The following ATRNL1 variants were observed in gnomAD, a reference collection of about 807,000 sequenced individuals.
ATRNL1 encodes the protein attractin-like protein 1.
ATRNL1 carries 95 observed loss-of-function variants against 182.7 expected under a neutral mutation model. The observed-to-expected ratio is 0.52, with a 90% confidence interval of 0.44 to 0.62. ATRNL1 has a LOEUF of 0.62. Ranked by LOEUF, ATRNL1 falls within the 20% of genes least tolerant of loss-of-function variation. The pLI is 0.00. For missense variants in ATRNL1, 1,471 were observed against 1,679.5 expected, an observed-to-expected ratio of 0.88 and a Z score of 2.17; for synonymous variants, 576 against 568.3, an observed-to-expected ratio of 1.01 and a Z score of -0.19.
chr10:115,580,859 C>T (rs1565183813), intron 26 of ATRNL1, among the ~76,000 whole-genome samples: 1 of 151,960 alleles, frequency 6.6e-6, no homozygotes, highest in Non-Finnish European at 1.5e-5. Context: ...TCAATTCAGT[C>T]ATTGTAATCT....
intron 24 of ATRNL1, among the ~76,000 whole-genome samples, chr10:115,514,773 GGGAT>G (rs1206293502): frequency 1.3e-5 from 2 of 151,844 alleles, no homozygotes; most frequent in African/African-American, 4.8e-5. Flanking sequence ...ATTGCACAAG[GGGAT>G]TAGTGAAGAC....
At chr10:115,723,218 A>T (rs79741971) in intron 26 of ATRNL1, among the ~76,000 whole-genome samples, 4,087 of 152,286 alleles carry the variant, frequency 0.027, 161 homozygotes, top group African/African-American at 0.091. Context: ...GTAGAAGGAC[A>T]TTTGAAGGTG....
In ATRNL1 at chr10:115,902,031, G is replaced by T. The variant is rs1952370033; in HGVS notation, c.4019-42627G>T. On this transcript the variant is annotated intron_variant, in intron 28 of 28. Transcript: ENST00000355044. Reference sequence around the variant, plus strand: ...TTTTTCACATTTGCACGCTGAGATTGTTTTGGAGATCTTTTAACTTAGCTC... The same window carrying T: ...TTTTTCACATTTGCACGCTGAGATTTTTTTGGAGATCTTTTAACTTAGCTC... Among the ~76,000 whole-genome samples the T allele has an allele frequency of 1.3e-5, 2 of 152,120 alleles. 1 individual carries two copies. Among genetic ancestry groups the T allele is most frequent in the Non-Finnish European group, 2.9e-5 (2 of 68,012 alleles).
intron 28 of ATRNL1, among the ~76,000 whole-genome samples, chr10:115,919,012 T>G (rs901158672): frequency 6.6e-6 from 1 of 152,098 alleles, no homozygotes; most frequent in East Asian, 1.9e-4. Context: ...TAGACATAAA[T>G]AAAACCCATC....
intron 28 of ATRNL1, among the ~76,000 whole-genome samples, chr10:115,909,066 T>C (rs1555115219): frequency 6.6e-6 from 1 of 152,158 alleles, no homozygotes; most frequent in Admixed American, 6.5e-5. Flanking sequence ...CTTTAGAGAA[T>C]TGCCACATGC....
intron 9 of ATRNL1, among the ~76,000 whole-genome samples, chr10:115,240,254 C>CTTT (rs782480774): frequency 7.2e-6 from 1 of 138,034 alleles, no homozygotes; most frequent in African/African-American, 2.6e-5. Flanking sequence ...TACTTTTTTC[C>CTTT]TTTTTTTTTT....
chr10:115,148,349 C>G lies in ATRNL1; in HGVS notation c.830-11691C>G, dbSNP rs532039569. Among the ~76,000 whole-genome samples the G allele has an allele frequency of 2.6e-5, 4 of 152,152 alleles. No individual in the cohort carries two copies. The East Asian group carries it at 5.8e-4, about 22-fold the overall frequency. On this transcript the variant is annotated intron_variant, in intron 5 of 28. Coordinates refer to ENST00000355044, the MANE Select transcript of ATRNL1 (RefSeq NM_207303.4). ...ACATTTAAGAGTTTTTTGGTGGAGG[C>G]TATAGGTTTTCTAGATATAAGATTA...
At chr10:115,370,213 C>T (rs1857320521) in intron 19 of ATRNL1, among the ~76,000 whole-genome samples, 1 of 152,160 alleles carries the variant, frequency 6.6e-6, no homozygotes, top group African/African-American at 2.4e-5. Flanking sequence ...ATTGCCCAGT[C>T]TCAGTATGTC....
At chr10:115,365,514 A>C (rs1258088147) in intron 19 of ATRNL1, among the ~76,000 whole-genome samples, 1 of 151,650 alleles carries the variant, frequency 6.6e-6, no homozygotes, top group African/African-American at 2.4e-5. Context: ...TTGTGTCTCT[A>C]TTTCCTTCAA....
At chr10:115,630,536 G>A (rs1360486621) in intron 26 of ATRNL1, among the ~76,000 whole-genome samples, 3 of 151,406 alleles carry the variant, frequency 2.0e-5, no homozygotes, top group East Asian at 1.9e-4. Context: ...ATTGAAATAA[G>A]TCTCTCCAAG....
chr10:115,868,822 C>CTTTTTTTTTTTTTTTTTTTTGTTT (rs1951502221), intron 28 of ATRNL1, among the ~76,000 whole-genome samples: 1 of 58,084 alleles, frequency 1.7e-5, no homozygotes, highest in Non-Finnish European at 3.2e-5. Context: ...AGTCTTTATT[C>CTTTTTTTTTTTTTTTTTTTTGTTT]TTTTTTTTTT....
At chr10:115,305,619 C>T (rs923907) in intron 17 of ATRNL1, among the ~76,000 whole-genome samples, 32,049 of 152,054 alleles carry the variant, frequency 0.21, 4,289 homozygotes, top group Non-Finnish European at 0.3. Context: ...CTTCTCCTGC[C>T]TCAATAGTCA....
chr10:115,541,979 G>C (rs1287500277), intron 25 of ATRNL1, among the ~76,000 whole-genome samples: 1 of 152,022 alleles, frequency 6.6e-6, no homozygotes, highest in Non-Finnish European at 1.5e-5. Flanking sequence ...TAAAATTTTT[G>C]TCCTAACTAT....
intron 27 of ATRNL1, among the ~76,000 whole-genome samples, chr10:115,805,557 G>C (rs1173639057): frequency 1.3e-5 from 2 of 151,534 alleles, no homozygotes; most frequent in Non-Finnish European, 2.9e-5. Flanking sequence ...ACTTGACTCT[G>C]TTATACTAAG....
In ATRNL1 at chr10:115,150,166, T is replaced by C. The variant is rs565648234; in HGVS notation, c.830-9874T>C. ...TATAATAATCTTTGATAATCTTTTGTATTTCTGTGATATCAGTTGTAACGT... is the reference window on the plus strand; with the variant it reads ...TATAATAATCTTTGATAATCTTTTGCATTTCTGTGATATCAGTTGTAACGT... On this transcript the variant is annotated intron_variant, in intron 5 of 28. Transcript: ENST00000355044. Among the ~76,000 whole-genome samples the C allele has an allele frequency of 4.9e-4, 75 of 152,152 alleles. 1 individual carries two copies. In the South Asian group the frequency reaches 0.015, roughly 30 times the overall value.
chr10:115,364,963 A>G (rs1856950878), intron 19 of ATRNL1, among the ~76,000 whole-genome samples: 2 of 151,230 alleles, frequency 1.3e-5, no homozygotes, highest in Non-Finnish European at 2.9e-5. Context: ...TTCATCAAGG[A>G]TATTGGTCTA....
At chr10:115,219,363 A>G (rs1295594151) in intron 9 of ATRNL1, among the ~76,000 whole-genome samples, 1 of 152,092 alleles carries the variant, frequency 6.6e-6, no homozygotes, top group African/African-American at 2.4e-5. Context: ...ACATCTTGCT[A>G]AATATTGTTA....
At chr10:115,133,197 C>T (rs1465100591) in intron 5 of ATRNL1, among the ~76,000 whole-genome samples, 1 of 152,050 alleles carries the variant, frequency 6.6e-6, no homozygotes, top group Non-Finnish European at 1.5e-5. Context: ...GAATCCTTTC[C>T]CCATTTCTTG....
At chr10:115,139,093 C>G (rs1173995817) in intron 5 of ATRNL1, among the ~76,000 whole-genome samples, 3 of 152,188 alleles carry the variant, frequency 2.0e-5, no homozygotes, top group African/African-American at 7.2e-5. Flanking sequence ...TTCCATTTCC[C>G]AACAAGTTCC....
Sources: gnomAD v4.1 joint callset for allele counts (sites outside exome capture counted in the v4.1 genomes callset) on GRCh38, gnomAD v4.1.1 for gene constraint, MANE v1.5 for transcripts, NCBI Gene and HGNC (gene_info 2026-07-23, HGNC 2026-07-21) for gene names.